The following NEGR1 variants were observed in gnomAD, a reference collection of about 807,000 sequenced individuals.
NEGR1 encodes neuronal growth regulator 1.
A neutral mutation model predicts 40.9 loss-of-function variants in NEGR1; 10 were observed. That is an observed-to-expected ratio of 0.24 (90% CI 0.15 to 0.42). The LOEUF is 0.42. Among genes scored for constraint, NEGR1 ranks in the 10% least tolerant of loss-of-function variants. The pLI is 1.00. For synonymous variants in NEGR1, 185 were observed against 166.8 expected, an observed-to-expected ratio of 1.11 and a Z score of -0.84; for missense variants, 352 against 438.9, an observed-to-expected ratio of 0.80 and a Z score of 1.77.
At chr1:71,754,754 T>C (rs1344668526) in intron 3 of NEGR1, among the ~76,000 whole-genome samples, 1 of 152,166 alleles carries the variant, frequency 6.6e-6, no homozygotes, top group Non-Finnish European at 1.5e-5. Flanking sequence ...TAGACACTTT[T>C]CCATATATCT....
intron 3 of NEGR1, among the ~76,000 whole-genome samples, chr1:71,741,291 C>T (rs78509416): frequency 6.6e-6 from 1 of 152,142 alleles, no homozygotes; most frequent in African/African-American, 2.4e-5. Context: ...CAATATGGTA[C>T]TCTGTGTAGC....
chr1:71,916,899 G>A (rs1264550431), intron 2 of NEGR1, among the ~76,000 whole-genome samples: 1 of 152,146 alleles, frequency 6.6e-6, no homozygotes, highest in African/African-American at 2.4e-5. Context: ...TTTATTCTGA[G>A]CTTAGCAAAA....
chr1:72,180,480 T>C (rs983037677), intron 1 of NEGR1, among the ~76,000 whole-genome samples: 1 of 151,076 alleles, frequency 6.6e-6, no homozygotes, highest in Admixed American at 6.6e-5. Context: ...TTACAAAAAC[T>C]AAAAATCTTC....
intron 6 of NEGR1, among the ~76,000 whole-genome samples, chr1:71,563,078 A>G (rs558660184): frequency 1.4e-3 from 214 of 152,158 alleles, no homozygotes; most frequent in African/African-American, 4.8e-3. Flanking sequence ...TCTCATGGGG[A>G]AGTAAGTGAA....
At position 72,221,492 on chromosome 1, in the gene NEGR1, C is replaced by A. The variant is rs77033188; in HGVS notation, c.176+60827G>T. ...CTTCTTCGGGAAGCATGAGCAATAA[C>A]AAAATCACAGAATTTTAGAAATTAA... On this transcript the variant is annotated intron_variant, in intron 1 of 6. Transcript: ENST00000357731. Among the ~76,000 whole-genome samples the A allele has an allele frequency of 2.0e-4, 31 of 152,130 alleles. No homozygotes were observed. In the East Asian group the frequency reaches 6.0e-3, roughly 29 times the overall value.
intron 6 of NEGR1, among the ~76,000 whole-genome samples, chr1:71,552,262 T>C (rs542681325): frequency 6.6e-6 from 1 of 151,156 alleles, no homozygotes; most frequent in African/African-American, 2.4e-5. Context: ...ACTCTAATGT[T>C]TTCCTTTAGT....
intron 2 of NEGR1, among the ~76,000 whole-genome samples, chr1:71,855,115 T>A (rs1411885596): frequency 1.3e-5 from 2 of 152,074 alleles, no homozygotes; most frequent in Non-Finnish European, 2.9e-5. Context: ...CAGTATCACG[T>A]TTAGGCATGT....
chr1:71,489,382 G>A (rs982545907), intron 6 of NEGR1, among the ~76,000 whole-genome samples: 3 of 151,826 alleles, frequency 2.0e-5, no homozygotes, highest in African/African-American at 4.8e-5. Flanking sequence ...TTCTTAGGCT[G>A]CTTCACCAGG....
At chr1:72,085,223 T>TA (rs1648167693) in intron 1 of NEGR1, among the ~76,000 whole-genome samples, 1 of 152,214 alleles carries the variant, frequency 6.6e-6, no homozygotes, top group Non-Finnish European at 1.5e-5. Flanking sequence ...CATATATATA[T>TA]ACATATGCAG....
chr1:72,138,820 C>T (rs1015405285), intron 1 of NEGR1, among the ~76,000 whole-genome samples: 7 of 151,912 alleles, frequency 4.6e-5, no homozygotes, highest in African/African-American at 1.7e-4. Flanking sequence ...TATCAGCAAG[C>T]ATATGAAAAA....
intron 1 of NEGR1, among the ~76,000 whole-genome samples, chr1:72,128,015 T>G (rs1650097909): frequency 6.6e-6 from 1 of 152,108 alleles, no homozygotes. Flanking sequence ...AAAACTAATA[T>G]AACTAAGTCT....
At chr1:72,056,567 G>T (rs1408863866) in intron 1 of NEGR1, among the ~76,000 whole-genome samples, 1 of 151,290 alleles carries the variant, frequency 6.6e-6, no homozygotes, top group Non-Finnish European at 1.5e-5. Flanking sequence ...ATTTACTTTA[G>T]AAGCTCATCA....
chr1:72,135,706 G>T (rs945516366), intron 1 of NEGR1, among the ~76,000 whole-genome samples: 4 of 152,264 alleles, frequency 2.6e-5, no homozygotes, highest in Non-Finnish European at 5.9e-5. Flanking sequence ...CCCAATATTT[G>T]CAACAGGGTC....
chr1:71,474,007 C>G (rs970674349), intron 6 of NEGR1, among the ~76,000 whole-genome samples: 1 of 152,016 alleles, frequency 6.6e-6, no homozygotes, highest in African/African-American at 2.4e-5. Context: ...AAGTTTGGCA[C>G]TGGGTAAGAT....
Position 71,397,340 on chromosome 1 carries a change from T to G in NEGR1, c.*10106A>C, listed in dbSNP as rs1175227041. The G allele has an allele frequency of 6.5e-6, 1 of 153,686 alleles. No homozygotes were observed. The highest frequency in any genetic ancestry group is 2.4e-5 in the African/African-American group (1 of 41,480). 9.5% of individuals were successfully genotyped at this position (153,686 alleles called of 1,614,324 possible). On this transcript the variant is annotated 3_prime_UTR_variant, in exon 7 of 7. Transcript: ENST00000357731. ...CAGTGTTCTGTTCTGTTTTGTTTTG[T>G]TTTTGAGACAGAGTCTCACTTTGTC...
intron 3 of NEGR1, among the ~76,000 whole-genome samples, chr1:71,741,597 C>T (rs1030547332): frequency 6.6e-6 from 1 of 152,088 alleles, no homozygotes; most frequent in African/African-American, 2.4e-5. Context: ...TACAAAAAAC[C>T]CTGATCCTGA....
intron 1 of NEGR1, among the ~76,000 whole-genome samples, chr1:72,215,101 A>T (rs1401773736): frequency 6.6e-6 from 1 of 152,108 alleles, no homozygotes; most frequent in African/African-American, 2.4e-5. Flanking sequence ...CCTGACAAAA[A>T]CAAGTAATGG....
intron 4 of NEGR1, among the ~76,000 whole-genome samples, chr1:71,611,813 A>G (rs150691574): frequency 6.6e-6 from 1 of 152,304 alleles, no homozygotes; most frequent in Admixed American, 6.5e-5. Flanking sequence ...TTCAAGATCC[A>G]TATTAGGCAT....
At position 71,766,688 on chromosome 1, in the gene NEGR1, T is replaced by C. The variant is rs1327713710; in HGVS notation, c.535+9484A>G. On this transcript the variant is annotated intron_variant, in intron 3 of 6. Transcript: ENST00000357731. ...GATTTTTTTATCTCCTTGATATGGT[T>C]TTGATCTGCATCCCCACTCAAGTCT... 2.0e-5 allele frequency among the ~76,000 whole-genome samples: 3 copies of C among 152,214 alleles called. No individual in the cohort carries two copies. In the East Asian group the frequency reaches 5.8e-4, roughly 29 times the overall value.
Sources: gnomAD v4.1 joint callset for allele counts (sites outside exome capture counted in the v4.1 genomes callset) on GRCh38, gnomAD v4.1.1 for gene constraint, MANE v1.5 for transcripts, NCBI Gene and HGNC (gene_info 2026-07-23, HGNC 2026-07-21) for gene names.